Variants in LRIG1 observed in about 807,000 individuals in gnomAD.
The protein encoded by LRIG1 is leucine-rich repeats and immunoglobulin-like domains protein 1.
Under a neutral mutation model 99.2 loss-of-function variants are expected in LRIG1, and 48 were observed. The ratio of observed to expected loss-of-function variants is 0.48; its 90% CI spans 0.38 to 0.62. LRIG1 has a LOEUF of 0.62. LRIG1 is among the 20% of genes least tolerant of loss of function. The probability of loss-of-function intolerance (pLI) is 0.00; values close to 1 mark genes in which losing one functional copy is unlikely to be tolerated. For missense variants in LRIG1, 1,646 were observed against 1,434.4 expected (o/e 1.15, Z -2.38); for synonymous variants, 772 against 596.1 (o/e 1.29, Z -4.30).
intron 3 of LRIG1, among the ~76,000 whole-genome samples, chr3:66,435,897 T>C (rs1201649440): frequency 4.6e-5 from 7 of 151,618 alleles, no homozygotes; most frequent in African/African-American, 1.7e-4. Context: ...TCTGGGGGAG[T>C]TCCCAGTGGA....
intron 2 of LRIG1, among the ~76,000 whole-genome samples, chr3:66,458,795 T>C (rs1043910926): frequency 1.1e-4 from 16 of 151,906 alleles, no homozygotes; most frequent in Non-Finnish European, 2.1e-4. Flanking sequence ...GGCGGGTGGA[T>C]CACCTAATGT....
chr3:66,380,828 T>TTGCAGTCA lies in LRIG1; in HGVS notation c.2796_2803dup (p.Asn935MetfsTer73), dbSNP rs1371316808. 3 of 1,614,192 alleles carry TTGCAGTCA rather than the reference T, an allele frequency of 1.9e-6. No homozygotes were observed. Among genetic ancestry groups the TTGCAGTCA allele is most frequent in the African/African-American group, 2.7e-5 (2 of 75,052 alleles). On this transcript the variant is annotated frameshift_variant, in exon 18 of 19. Transcript: ENST00000273261. LOFTEE classifies it high-confidence loss of function. ...CCTGGAGTAACAGTCCACTTCGGTG[T>TTGCAGTCA]TGCAGTCACTGCATACGACCCGGCC... is the stretch of plus-strand genomic sequence containing the variant.
intron 3 of LRIG1, among the ~76,000 whole-genome samples, chr3:66,419,442 T>A (rs1003222184): frequency 4.6e-5 from 7 of 151,926 alleles, no homozygotes; most frequent in African/African-American, 1.7e-4. Flanking sequence ...GCCGTGGAGA[T>A]GGGAGACAAG....
intron 4 of LRIG1, among the ~76,000 whole-genome samples, chr3:66,415,900 T>G (rs1702602479): frequency 6.6e-6 from 1 of 152,108 alleles, no homozygotes; most frequent in South Asian, 2.1e-4. Flanking sequence ...CTGGCCTAAG[T>G]GAAAAGGAGA....
chr3:66,428,569 C>A (rs1410476290), intron 3 of LRIG1, among the ~76,000 whole-genome samples: 2 of 152,184 alleles, frequency 1.3e-5, no homozygotes, highest in South Asian at 2.1e-4. Flanking sequence ...TGTGCCAGGA[C>A]CAATGCCCAT....
intron 15 of LRIG1, among the ~76,000 whole-genome samples, chr3:66,382,752 T>G (rs1809444): frequency 3.0e-4 from 46 of 152,198 alleles, no homozygotes; most frequent in Non-Finnish European, 5.0e-4. Context: ...GAAAACTGCA[T>G]GGTGCGTCAG....
At chr3:66,444,013 G>A (rs1003313884) in intron 3 of LRIG1, among the ~76,000 whole-genome samples, 1 of 152,166 alleles carries the variant, frequency 6.6e-6, no homozygotes, top group African/African-American at 2.4e-5. Flanking sequence ...ACTTCCATCT[G>A]GAAAAAGAGG....
intron 3 of LRIG1, among the ~76,000 whole-genome samples, chr3:66,430,981 T>C (rs546140891): frequency 1.2e-3 from 189 of 151,930 alleles, no homozygotes; most frequent in African/African-American, 4.3e-3. Flanking sequence ...AGCACACTGA[T>C]GGTGTTCCCT....
At chr3:66,447,914 C>T (rs781032432) in intron 3 of LRIG1, among the ~76,000 whole-genome samples, 2 of 152,214 alleles carry the variant, frequency 1.3e-5, no homozygotes, top group Admixed American at 6.5e-5. Context: ...AAATCTCAAA[C>T]GTGAAAATCC....
intron 13 of LRIG1, among the ~76,000 whole-genome samples, chr3:66,385,719 T>C (rs1386791358): frequency 6.6e-6 from 1 of 152,226 alleles, no homozygotes; most frequent in Non-Finnish European, 1.5e-5. Context: ...TCCCAACTGC[T>C]GGGATTACAG....
intron 11 of LRIG1, among the ~76,000 whole-genome samples, chr3:66,396,062 G>T (rs1259129692): frequency 6.6e-6 from 1 of 152,238 alleles, no homozygotes; most frequent in Admixed American, 6.5e-5. Flanking sequence ...TGTAGAAAGG[G>T]CTAAGCCTCA....
intron 2 of LRIG1, among the ~76,000 whole-genome samples, chr3:66,457,986 T>G (rs2106826328): frequency 6.6e-6 from 1 of 152,360 alleles, no homozygotes; most frequent in South Asian, 2.1e-4. Context: ...ATATAGGAAT[T>G]TAAGGTAGTG....
chr3:66,390,915 C>G (rs958249968), intron 12 of LRIG1, among the ~76,000 whole-genome samples: 5 of 152,132 alleles, frequency 3.3e-5, no homozygotes, highest in African/African-American at 9.7e-5. Flanking sequence ...CAACATGTAT[C>G]TTATGAAGGT....
chr3:66,446,184 G>A (rs959863311), intron 3 of LRIG1, among the ~76,000 whole-genome samples: 1 of 152,074 alleles, frequency 6.6e-6, no homozygotes, highest in Admixed American at 6.6e-5. Flanking sequence ...TTCACCAACA[G>A]ATCCAGCCAA....
At chr3:66,385,941 G>A (rs1165386176) in intron 13 of LRIG1, 40 bp downstream of exon 13, 2 of 1,564,856 alleles carry the variant, frequency 1.3e-6, no homozygotes, top group Admixed American at 1.7e-5. Context: ...AGTGTGCTTT[G>A]TAGGATTCTG....
intron 3 of LRIG1, among the ~76,000 whole-genome samples, chr3:66,446,995 G>A (rs1211081584): frequency 6.6e-6 from 1 of 152,128 alleles, no homozygotes; most frequent in African/African-American, 2.4e-5. Context: ...ATTCTGTAGT[G>A]GTGATGGTTG....
intron 1 of LRIG1, among the ~76,000 whole-genome samples, chr3:66,488,344 C>T (rs1339842022): frequency 3.3e-5 from 5 of 151,938 alleles, no homozygotes; most frequent in African/African-American, 7.2e-5. Flanking sequence ...AAGCCACAGC[C>T]GGGCGTGGTG....
chr3:66,495,993 G>A (rs1701218298), intron 1 of LRIG1, among the ~76,000 whole-genome samples: 1 of 152,346 alleles, frequency 6.6e-6, no homozygotes, highest in African/African-American at 2.4e-5. Context: ...ACTGGAGGGA[G>A]GAAAGCTTTC....
At position 66,454,680 on chromosome 3, in the gene LRIG1, GAGA is replaced by G. The variant is rs565106630; in HGVS notation, c.291-3050_291-3048del. Among the ~76,000 whole-genome samples the G allele has an allele frequency of 3.9e-5, 6 of 152,318 alleles. No individual in the cohort carries two copies. In the South Asian group the frequency reaches 1.2e-3, roughly 32 times the overall value. ...GAATCACGGCCAGACCCTGGGGCTAGAGAAGGTGTAGCTAAGGTAAAAGGATTC... is the reference window on the plus strand; with the variant it reads ...GAATCACGGCCAGACCCTGGGGCTAGAGGTGTAGCTAAGGTAAAAGGATTC... On this transcript the variant is annotated intron_variant, in intron 2 of 18. Coordinates refer to ENST00000273261, the MANE Select transcript of LRIG1 (RefSeq NM_015541.3).
Sources: allele counts gnomAD v4.1 joint callset (sites outside exome capture counted in the v4.1 genomes callset), GRCh38; gene constraint gnomAD v4.1.1; transcripts MANE v1.5; gene names NCBI Gene and HGNC (gene_info 2026-07-23, HGNC 2026-07-21).